PAM: variants seen among roughly 807,000 people sequenced by gnomAD.
PAM encodes the protein peptidyl-glycine alpha-amidating monooxygenase.
Under a neutral mutation model 122.1 loss-of-function variants are expected in PAM, and 72 were observed. The observed-to-expected ratio is 0.59, with a 90% confidence interval of 0.49 to 0.72. The LOEUF (loss-of-function observed/expected upper bound fraction) is 0.72, where lower values mean the gene tolerates loss of function less well. PAM is among the 30% of genes least tolerant of loss of function. The pLI, the probability that PAM is intolerant of heterozygous loss-of-function variation, is 0.00. For synonymous variants in PAM, 389 were observed against 404.4 expected, an observed-to-expected ratio of 0.96 and a Z score of 0.46; for missense variants, 1,106 against 1,183.7, an observed-to-expected ratio of 0.93 and a Z score of 0.96.
chr5:103,020,024 T>G (rs1396869519), intron 23 of PAM, among the ~76,000 whole-genome samples, 181 bp downstream of exon 23: 5 of 152,022 alleles, frequency 3.3e-5, no homozygotes, highest in Non-Finnish European at 7.4e-5. Context: ...TTTTTTTTGA[T>G]AAATGGAGCA....
rs74893358 is a variant in PAM at position 102,868,875 on chromosome 5, G to A, written c.210+1482G>A. Among the ~76,000 whole-genome samples, 116 of 152,252 alleles carry A rather than the reference G, an allele frequency of 7.6e-4. 4 individuals carry two copies. The East Asian group carries it at 0.019, about 25-fold the overall frequency. On this transcript the variant is annotated intron_variant, in intron 3 of 25. Coordinates refer to ENST00000438793, the MANE Select transcript of PAM (RefSeq NM_001177306.2). Reference sequence around the variant, plus strand: ...GATGGGGTCAGTAATCTCAGAAAGAGATCTTAGAGGAATTGATTATAAAAA... The same window carrying A: ...GATGGGGTCAGTAATCTCAGAAAGAAATCTTAGAGGAATTGATTATAAAAA...
chr5:102,766,926 ATTTT>A lies in PAM; in HGVS notation c.-374+11606_-374+11609del. On this transcript the variant is annotated intron_variant, in intron 1 of 25. Coordinates refer to ENST00000438793, the MANE Select transcript of PAM (RefSeq NM_001177306.2). The stretch of plus-strand genomic sequence containing the variant: ...ATTTATTTTATTGCTTCAGTTGTGG[ATTTT>A]TTTTTTTTTTTTTTTTTTTTTTTTT... Among the ~76,000 whole-genome samples, 51 of 25,850 alleles carry A rather than the reference ATTTT, an allele frequency of 2.0e-3. 5 individuals carry two copies. The highest frequency in any genetic ancestry group is 3.3e-3 in the African/African-American group (24 of 7,366). The allele number at this position is 25,850 out of a possible 152,430, so 17.0% of individuals were successfully genotyped here.
chr5:102,755,890 C>T (rs1325725669), intron 1 of PAM, among the ~76,000 whole-genome samples: 1 of 152,070 alleles, frequency 6.6e-6, no homozygotes, highest in Non-Finnish European at 1.5e-5. Context: ...CTCTTTCTTT[C>T]CCGTCCTTGC....
At chr5:102,901,888 A>C (rs984453900) in intron 4 of PAM, among the ~76,000 whole-genome samples, 1 of 151,594 alleles carries the variant, frequency 6.6e-6, no homozygotes, top group African/African-American at 2.4e-5. Flanking sequence ...GGAGAGCCAG[A>C]AAAGAAAAGA....
intron 5 of PAM, 150 bp downstream of exon 5, chr5:102,914,171 CA>C (rs1235103641): frequency 3.2e-6 from 1 of 309,068 alleles, no homozygotes; most frequent in South Asian, 3.0e-5. Context: ...ACGTGGTTAT[CA>C]TGGTTTATCA....
At chr5:102,846,033 A>T (rs1011211568) in intron 1 of PAM, among the ~76,000 whole-genome samples, 1 of 152,162 alleles carries the variant, frequency 6.6e-6, no homozygotes, top group Admixed American at 6.5e-5. Flanking sequence ...TATACCACTA[A>T]CCAGGCTTGT....
chr5:102,846,967 C>A (rs1304274663), intron 1 of PAM, among the ~76,000 whole-genome samples: 1 of 152,138 alleles, frequency 6.6e-6, no homozygotes, highest in Admixed American at 6.5e-5. Flanking sequence ...GTCAAGTGGA[C>A]AATTAGCTAT....
chr5:102,945,027 A>G (rs1268554852), intron 7 of PAM, among the ~76,000 whole-genome samples: 1 of 152,056 alleles, frequency 6.6e-6, no homozygotes, highest in African/African-American at 2.4e-5. Flanking sequence ...CATTTCTTAA[A>G]AATAAAATAT....
chr5:102,876,863 AGTCTT>A (rs112570439), intron 3 of PAM, among the ~76,000 whole-genome samples: 17,889 of 152,040 alleles, frequency 0.12, 2,469 homozygotes, highest in African/African-American at 0.33. Flanking sequence ...GGCAGCCTTG[AGTCTT>A]GTCTTCTCAA....
At position 102,789,923 on chromosome 5, in the gene PAM, A is replaced by T. The variant is rs201304323; in HGVS notation, c.-374+34575A>T. Among the ~76,000 whole-genome samples the T allele has an allele frequency of 2.0e-5, 3 of 152,242 alleles. No homozygotes were observed. In the East Asian group the frequency reaches 5.8e-4, roughly 29 times the overall value. ...ATGTAAGGGTTAGCTAATTATTCAT[A>T]TTCATAAATATTCAGTAGTTATCAT... On this transcript the variant is annotated intron_variant, in intron 1 of 25. Transcript: ENST00000438793.
chr5:102,974,235 A>G lies in PAM; in HGVS notation c.1282A>G (p.Asn428Asp). 6.2e-7 allele frequency: 1 copy of G among 1,614,030 alleles called. No individual in the cohort carries two copies. The highest frequency in any genetic ancestry group is 1.1e-5 in the South Asian group (1 of 91,084). The change falls in exon 15 of 26, where the codon AAT becomes GAT. Residue 428 changes from asparagine to aspartate, a missense_variant. This residue lies in a region of PAM where 670 missense variants were observed against 690.3 expected (regional missense o/e 0.97). Transcript: ENST00000438793. ...GTCAGACCTGGTAGCTGAGATTGCA[A>G]ATGTAGTCCAAAAAAAGGATCTTGG... ...SESDLVAEIA[N>D]VVQKKDLGRS...
At chr5:102,822,915 C>A (rs1488768186) in intron 1 of PAM, among the ~76,000 whole-genome samples, 1 of 152,142 alleles carries the variant, frequency 6.6e-6, no homozygotes, top group East Asian at 1.9e-4. Flanking sequence ...GATTCCTCCC[C>A]ACTCATCCCA....
chr5:102,829,182 G>A (rs973849521), intron 1 of PAM, among the ~76,000 whole-genome samples: 1 of 151,934 alleles, frequency 6.6e-6, no homozygotes, highest in Non-Finnish European at 1.5e-5. Context: ...TACAGGTTGT[G>A]TACTCTAAAT....
At chr5:102,876,145 A>G (rs1298409516) in intron 3 of PAM, among the ~76,000 whole-genome samples, 2 of 152,134 alleles carry the variant, frequency 1.3e-5, no homozygotes, top group South Asian at 2.1e-4. Context: ...GTCTTTATTT[A>G]TGGTTCTTTT....
intron 3 of PAM, among the ~76,000 whole-genome samples, chr5:102,870,464 G>A (rs1787051915): frequency 6.6e-6 from 1 of 152,126 alleles, no homozygotes; most frequent in African/African-American, 2.4e-5. Context: ...ATCCAGTCAT[G>A]TCAGGCCTCT....
rs1477251470 is a variant in PAM, at chr5:102,938,953, G to T, written c.527-7884G>T. Among the ~76,000 whole-genome samples the T allele has an allele frequency of 2.6e-5, 4 of 151,992 alleles. No homozygotes were observed. In the East Asian group the frequency reaches 7.7e-4, roughly 29 times the overall value. ...TTGTTTATTATGTTCTAGGAATTCTGGGAAAAGAAGGAATCATTAGAAGTG... is the reference window on the plus strand; with the variant it reads ...TTGTTTATTATGTTCTAGGAATTCTTGGAAAAGAAGGAATCATTAGAAGTG... On this transcript the variant is annotated intron_variant, in intron 7 of 25. Coordinates refer to ENST00000438793, the MANE Select transcript of PAM (RefSeq NM_001177306.2).
rs1332593810 is a variant in PAM at position 102,795,210 on chromosome 5, AAAG to A, written c.-374+39867_-374+39869del. On this transcript the variant is annotated intron_variant, in intron 1 of 25. Transcript: ENST00000438793. ...GTCTCAAAAAAAAAAAAAAAAAAAA[AAAG>A]AAGAGAAGAAAAAGAAAAAGAAAAG... 2.9e-3 allele frequency among the ~76,000 whole-genome samples: 433 copies of A among 148,688 alleles called. 4 individuals carry two copies. The highest frequency in any genetic ancestry group is 0.018 in the East Asian group (86 of 4,790).
At chr5:102,940,932 T>G (rs1581946632) in intron 7 of PAM, among the ~76,000 whole-genome samples, 2 of 152,140 alleles carry the variant, frequency 1.3e-5, no homozygotes, top group Non-Finnish European at 1.5e-5. Flanking sequence ...CTAAAGCCAA[T>G]CAATAATTTT....
At chr5:102,948,790 A>G (rs1246539588) in intron 9 of PAM, among the ~76,000 whole-genome samples, 1 of 152,168 alleles carries the variant, frequency 6.6e-6, no homozygotes, top group Non-Finnish European at 1.5e-5. Context: ...ACTTCTACAT[A>G]GAAAGATTTA....
Sources: gnomAD v4.1 joint callset for allele counts (sites outside exome capture counted in the v4.1 genomes callset) on GRCh38, gnomAD v4.1.1 for gene constraint, gnomAD v4.1.1 regional missense constraint, MANE v1.5 for transcripts, NCBI Gene and HGNC (gene_info 2026-07-23, HGNC 2026-07-21) for gene names.